WDR7: variants seen among roughly 807,000 people sequenced by gnomAD.
WDR7 encodes the protein WD repeat domain 7.
A neutral mutation model predicts 169.4 loss-of-function variants in WDR7; 46 were observed. The observed-to-expected ratio is 0.27, with a 90% CI of 0.21 to 0.35. The LOEUF is 0.35. Among genes scored for constraint, WDR7 ranks in the 10% least tolerant of loss-of-function variants. WDR7 has a pLI of 1.00. For synonymous variants in WDR7, 612 were observed against 666.8 expected, an observed-to-expected ratio of 0.92 and a Z score of 1.27; for missense variants, 1,534 against 1,859.3, an observed-to-expected ratio of 0.83 and a Z score of 3.22.
At chr18:56,687,824 C>T (rs2025473916) in intron 7 of WDR7, among the ~76,000 whole-genome samples, 1 of 152,144 alleles carries the variant, frequency 6.6e-6, no homozygotes, top group Non-Finnish European at 1.5e-5. Flanking sequence ...GATGGGGTCT[C>T]ACCCTGTTGC....
intron 14 of WDR7, among the ~76,000 whole-genome samples, chr18:56,737,460 A>G (rs921947547): frequency 6.6e-6 from 1 of 152,194 alleles, no homozygotes; most frequent in Admixed American, 6.5e-5. Flanking sequence ...TGTTGTGCCA[A>G]TCAGAATCAC....
intron 14 of WDR7, among the ~76,000 whole-genome samples, chr18:56,752,728 T>C (rs1313580371): frequency 1.3e-5 from 2 of 152,204 alleles, no homozygotes; most frequent in South Asian, 4.1e-4. Flanking sequence ...AACTGTAGTA[T>C]AGAAATACTT....
At chr18:56,870,780 C>T (rs1388739687) in intron 20 of WDR7, among the ~76,000 whole-genome samples, 1 of 152,106 alleles carries the variant, frequency 6.6e-6, no homozygotes, top group Non-Finnish European at 1.5e-5. Flanking sequence ...AGCCACCATG[C>T]CCAGCCTCAA....
intron 19 of WDR7, among the ~76,000 whole-genome samples, chr18:56,810,787 C>T (rs1004004651): frequency 7.9e-5 from 12 of 152,074 alleles, no homozygotes; most frequent in Admixed American, 2.0e-4. Flanking sequence ...TTTATTGACA[C>T]GTAATTCACT....
In WDR7 at chr18:56,818,486, T is replaced by C. The variant is rs140273167; in HGVS notation, c.3304+2342T>C. Reference sequence around the variant, plus strand: ...CAAATGGCTTTTATCTGCTGATTTATCCATTTCCTGTCATGGGTACTAGAG... The same window carrying C: ...CAAATGGCTTTTATCTGCTGATTTACCCATTTCCTGTCATGGGTACTAGAG... On this transcript the variant is annotated intron_variant, in intron 20 of 27. Coordinates refer to ENST00000254442, the MANE Select transcript of WDR7 (RefSeq NM_015285.3). Among the ~76,000 whole-genome samples, 3 of 152,344 alleles carry C rather than the reference T, an allele frequency of 2.0e-5. No individual in the cohort carries two copies. In the East Asian group the frequency reaches 5.8e-4, roughly 29 times the overall value.
At chr18:57,005,632 A>G (rs1263111497) in intron 26 of WDR7, among the ~76,000 whole-genome samples, 2 of 152,174 alleles carry the variant, frequency 1.3e-5, no homozygotes, top group Non-Finnish European at 2.9e-5. Context: ...TACCCCAAAA[A>G]TAGTAGTACT....
At chr18:56,988,615 G>A (rs925026255) in intron 26 of WDR7, among the ~76,000 whole-genome samples, 1 of 151,590 alleles carries the variant, frequency 6.6e-6, no homozygotes, top group African/African-American at 2.4e-5. Flanking sequence ...GTGTGTGTGT[G>A]TGTGTGTGTG....
intron 20 of WDR7, among the ~76,000 whole-genome samples, chr18:56,878,250 G>C (rs1315483838): frequency 6.6e-6 from 1 of 152,122 alleles, no homozygotes; most frequent in Non-Finnish European, 1.5e-5. Context: ...ACTATGCTGA[G>C]CTTTGCTCCA....
chr18:56,791,786 C>CAGAA (rs989415519), intron 19 of WDR7, among the ~76,000 whole-genome samples: 2 of 152,150 alleles, frequency 1.3e-5, no homozygotes, highest in Admixed American at 6.5e-5. Flanking sequence ...TACTTGGGGC[C>CAGAA]AGAAACCTTT....
chr18:56,714,513 C>T (rs1386636005), intron 12 of WDR7, among the ~76,000 whole-genome samples: 1 of 148,312 alleles, frequency 6.7e-6, no homozygotes, highest in East Asian at 2.0e-4. Flanking sequence ...GGTGCGATCT[C>T]GGTTCAGTGC....
chr18:56,678,498 T>C (rs2025288578), intron 2 of WDR7, among the ~76,000 whole-genome samples: 1 of 17,604 alleles, frequency 5.7e-5, no homozygotes, highest in Admixed American at 1.2e-3. Flanking sequence ...AGTAACACTG[T>C]GGTCTTTTTT....
intron 12 of WDR7, among the ~76,000 whole-genome samples, chr18:56,706,350 C>T (rs1004545236): frequency 6.6e-6 from 1 of 152,208 alleles, no homozygotes; most frequent in Non-Finnish European, 1.5e-5. Context: ...GCACACTCTG[C>T]TGTAGGCATA....
intron 13 of WDR7, among the ~76,000 whole-genome samples, chr18:56,730,541 C>T (rs9950929): frequency 0.013 from 1,957 of 151,912 alleles, 39 homozygotes; most frequent in African/African-American, 0.045. Flanking sequence ...CCGAGGCGGG[C>T]GGATCACGAG....
chr18:56,665,447 C>T (rs899960469), intron 1 of WDR7, among the ~76,000 whole-genome samples: 4 of 151,830 alleles, frequency 2.6e-5, no homozygotes, highest in African/African-American at 4.8e-5. Flanking sequence ...AGGAATTCTA[C>T]TCAGCCCAGT....
At chr18:56,914,458 C>G (rs12959150) in intron 21 of WDR7, among the ~76,000 whole-genome samples, 1 of 152,130 alleles carries the variant, frequency 6.6e-6, no homozygotes, top group Non-Finnish European at 1.5e-5. Flanking sequence ...TCAGTAAATA[C>G]GAAATGAATA....
At position 56,901,915 on chromosome 18, in the gene WDR7, A is replaced by G. The variant is rs556670747; in HGVS notation, c.3526+21750A>G. 2.0e-5 allele frequency among the ~76,000 whole-genome samples: 3 copies of G among 152,272 alleles called. No individual in the cohort carries two copies. The South Asian group carries it at 6.2e-4, about 32-fold the overall frequency. On this transcript the variant is annotated intron_variant, in intron 21 of 27. Coordinates refer to ENST00000254442, the MANE Select transcript of WDR7 (RefSeq NM_015285.3). ...TAAAGAAAGAATAAAAATGGCAAGC[A>G]GAGGATTTACTAGTGTCTTTGTGTT...
intron 26 of WDR7, among the ~76,000 whole-genome samples, chr18:57,006,328 T>TC: frequency 6.6e-6 from 1 of 151,714 alleles, no homozygotes; most frequent in South Asian, 2.1e-4. Flanking sequence ...TTTTTTTTTT[T>TC]CTTCAAGATT....
At chr18:56,785,830 C>CTT (rs112540201) in intron 19 of WDR7, among the ~76,000 whole-genome samples, 3,823 of 139,764 alleles carry the variant, frequency 0.027, 68 homozygotes, top group African/African-American at 0.051. Flanking sequence ...TTTTCTTTTT[C>CTT]TTTTTTTTTT....
chr18:56,841,676 T>A (rs2045488809), intron 20 of WDR7, among the ~76,000 whole-genome samples: 1 of 152,224 alleles, frequency 6.6e-6, no homozygotes, highest in African/African-American at 2.4e-5. Flanking sequence ...GTTGAATTAC[T>A]ATTACCACAC....
Sources: allele counts gnomAD v4.1 joint callset (sites outside exome capture counted in the v4.1 genomes callset), GRCh38; gene constraint gnomAD v4.1.1; transcripts MANE v1.5; gene names NCBI Gene and HGNC (gene_info 2026-07-23, HGNC 2026-07-21).